The following EEFSEC variants were observed in gnomAD, a reference collection of about 807,000 sequenced individuals.
EEFSEC encodes the protein eukaryotic elongation factor, selenocysteine-tRNA specific, also known as selenocysteine-specific elongation factor.
In EEFSEC, 43 loss-of-function variants were observed where a neutral mutation model predicts 42.1. The ratio of observed to expected loss-of-function variants is 1.02; its 90% CI spans 0.80 to 1.32. EEFSEC has a LOEUF of 1.32. Ranked by LOEUF, EEFSEC falls within the 40% of genes most tolerant of loss-of-function variation. The pLI is 0.00. For synonymous variants in EEFSEC, 354 were observed against 339.1 expected, an observed-to-expected ratio of 1.04 and a Z score of -0.48; for missense variants, 745 against 803.6, an observed-to-expected ratio of 0.93 and a Z score of 0.88.
intron 1 of EEFSEC, among the ~76,000 whole-genome samples, chr3:128,197,356 T>G (rs1460312552): frequency 6.6e-6 from 1 of 152,196 alleles, no homozygotes; most frequent in Non-Finnish European, 1.5e-5. Flanking sequence ...CTGCAACCTC[T>G]GCTTTCCGGG....
chr3:128,275,020 G>A (rs1419094799), intron 4 of EEFSEC, among the ~76,000 whole-genome samples: 2 of 152,204 alleles, frequency 1.3e-5, no homozygotes, highest in African/African-American at 2.4e-5. Flanking sequence ...TGGGCTTACC[G>A]AAACTTGTAT....
intron 4 of EEFSEC, among the ~76,000 whole-genome samples, chr3:128,323,390 C>G (rs2067028973): frequency 6.6e-6 from 1 of 152,192 alleles, no homozygotes; most frequent in Non-Finnish European, 1.5e-5. Context: ...AGGGATCCTC[C>G]TTGGGCTGTG....
chr3:128,189,619 A>G (rs1415229368), intron 1 of EEFSEC, among the ~76,000 whole-genome samples: 4 of 144,310 alleles, frequency 2.8e-5, no homozygotes, highest in Non-Finnish European at 4.5e-5. Context: ...GTGCAGTGGC[A>G]CCATCTCAGC....
At chr3:128,336,356 A>C (rs1438459935) in intron 4 of EEFSEC, among the ~76,000 whole-genome samples, 1 of 150,928 alleles carries the variant, frequency 6.6e-6, no homozygotes, top group East Asian at 1.9e-4. Flanking sequence ...TTACTTCTCT[A>C]CCTCCCCTGA....
At chr3:128,357,807 G>T (rs935683335) in intron 5 of EEFSEC, among the ~76,000 whole-genome samples, 6 of 141,514 alleles carry the variant, frequency 4.2e-5, no homozygotes, top group East Asian at 1.9e-4. Flanking sequence ...CCCCAGGGGT[G>T]GGGGGGGCCT....
chr3:128,201,382 A>C (rs1384442534), intron 1 of EEFSEC, among the ~76,000 whole-genome samples: 1 of 151,802 alleles, frequency 6.6e-6, no homozygotes, highest in Non-Finnish European at 1.5e-5. Context: ...GGGTGTGCTT[A>C]AGAAAAAAAA....
downstream of EEFSEC, among the ~76,000 whole-genome samples, chr3:128,409,080 C>T (rs1169999429): frequency 1.3e-5 from 2 of 152,178 alleles, no homozygotes; most frequent in South Asian, 2.1e-4. Context: ...TCTGCCATCC[C>T]CTGCACCCAC....
chr3:128,371,871 T>C (rs1040293251), intron 6 of EEFSEC, among the ~76,000 whole-genome samples: 2 of 152,140 alleles, frequency 1.3e-5, no homozygotes, highest in African/African-American at 4.8e-5. Flanking sequence ...CAGTGCCTCA[T>C]CCATCCTGAG....
At chr3:128,169,470 G>C (rs970618399) in intron 1 of EEFSEC, among the ~76,000 whole-genome samples, 1 of 152,140 alleles carries the variant, frequency 6.6e-6, no homozygotes, top group South Asian at 2.1e-4. Flanking sequence ...AATAGGACAC[G>C]GTGAGACAGA....
intron 2 of EEFSEC, among the ~76,000 whole-genome samples, chr3:128,250,910 G>GTTT (rs1559886787): frequency 0.019 from 670 of 34,438 alleles, 7 homozygotes; most frequent in African/African-American, 0.044. Context: ...AGTTTTTTTT[G>GTTT]GTTTTTTTTT....
intron 4 of EEFSEC, among the ~76,000 whole-genome samples, chr3:128,275,323 G>C (rs1490847602): frequency 6.6e-6 from 1 of 152,212 alleles, no homozygotes; most frequent in Non-Finnish European, 1.5e-5. Context: ...AGGAGTATCT[G>C]ATCTTTGACT....
chr3:128,400,801 T>G (rs1172674844), intron 6 of EEFSEC, among the ~76,000 whole-genome samples: 1 of 152,162 alleles, frequency 6.6e-6, no homozygotes, highest in Admixed American at 6.5e-5. Context: ...TGGGAAACAG[T>G]TGTGCTTCCC....
chr3:128,171,850 AAAC>A (rs1222980843), intron 1 of EEFSEC, among the ~76,000 whole-genome samples: 3 of 152,108 alleles, frequency 2.0e-5, no homozygotes, highest in African/African-American at 7.2e-5. Context: ...AAAAAAATGA[AAAC>A]AACAAAAATA....
chr3:128,375,396 G>A (rs1230434848), intron 6 of EEFSEC, among the ~76,000 whole-genome samples: 1 of 152,104 alleles, frequency 6.6e-6, no homozygotes, highest in East Asian at 1.9e-4. Context: ...GCCCACCCTC[G>A]CCATGGGCAC....
intron 5 of EEFSEC, among the ~76,000 whole-genome samples, chr3:128,352,890 G>A (rs1263354631): frequency 6.6e-6 from 1 of 152,254 alleles, no homozygotes; most frequent in African/African-American, 2.4e-5. Context: ...CTTGGGATTC[G>A]AATGCAGGTA....
intron 1 of EEFSEC, among the ~76,000 whole-genome samples, chr3:128,198,289 G>C (rs1196123464): frequency 2.0e-5 from 3 of 152,206 alleles, no homozygotes; most frequent in African/African-American, 4.8e-5. Context: ...TGGTAGACTT[G>C]TACCGTTTCT....
At position 128,348,281 on chromosome 3, in the gene EEFSEC, T is replaced by TGC. The variant is rs1310550531; in HGVS notation, c.1443+6393_1443+6394insCG. Among the ~76,000 whole-genome samples, 274 of 150,976 alleles carry TGC rather than the reference T, an allele frequency of 1.8e-3. 4 individuals are homozygous for TGC. The highest frequency in any genetic ancestry group is 0.01 in the Middle Eastern group (3 of 294). Reference sequence around the variant, plus strand: ...GTGTGTGTGTGTGTGCGTGTGCGTGTGTGTGTGTGTGCGTGTGTGTGTGTG... The same window carrying TGC: ...GTGTGTGTGTGTGTGCGTGTGCGTGTGCGTGTGTGTGTGCGTGTGTGTGTGTG... On this transcript the variant is annotated intron_variant, in intron 5 of 6. Coordinates refer to ENST00000254730, the MANE Select transcript of EEFSEC (RefSeq NM_021937.5).
intron 4 of EEFSEC, chr3:128,336,820 ATCTTT>A: frequency 6.6e-6 from 1 of 152,180 alleles, no homozygotes. Flanking sequence ...TCTAATTAAC[ATCTTT>A]CTTCTCTAGA....
At chr3:128,423,737 A>C in the EEFSEC span, among the ~76,000 whole-genome samples, 1 of 152,210 alleles carries the variant, frequency 6.6e-6, no homozygotes. Flanking sequence ...GGTGTTCTAA[A>C]CTTAGATTGT....
Sources: allele counts gnomAD v4.1 joint callset (sites outside exome capture counted in the v4.1 genomes callset), GRCh38; gene constraint gnomAD v4.1.1; transcripts MANE v1.5; gene names NCBI Gene and HGNC (gene_info 2026-07-23, HGNC 2026-07-21).